The following ERBB4 variants were observed in gnomAD, a reference collection of about 807,000 sequenced individuals.
ERBB4 encodes the protein erb-b2 receptor tyrosine kinase 4, also known as receptor tyrosine-protein kinase erbB-4.
In ERBB4, 42 loss-of-function variants were observed where a neutral mutation model predicts 158.0. The ratio of observed to expected loss-of-function variants is 0.27; its 90% confidence interval spans 0.21 to 0.34. The LOEUF (loss-of-function observed/expected upper bound fraction) is 0.34, where lower values mean the gene tolerates loss of function less well. ERBB4 is among the 10% of genes least tolerant of loss of function. ERBB4 has a pLI of 1.00. For missense variants in ERBB4, 1,333 were observed against 1,624.1 expected, an observed-to-expected ratio of 0.82 and a Z score of 3.08; for synonymous variants, 583 against 558.7, an observed-to-expected ratio of 1.04 and a Z score of -0.61.
intron 3 of ERBB4, among the ~76,000 whole-genome samples, chr2:211,815,940 C>T (rs1234512236): frequency 6.6e-6 from 1 of 152,142 alleles, no homozygotes; most frequent in East Asian, 1.9e-4. Context: ...GCACCAGCTG[C>T]CTCCCTGGGA....
chr2:211,882,396 T>G (rs912291041), intron 3 of ERBB4, among the ~76,000 whole-genome samples: 1 of 152,130 alleles, frequency 6.6e-6, no homozygotes, highest in Non-Finnish European at 1.5e-5. Flanking sequence ...ATTTTTATCT[T>G]TTAAATCAAT....
chr2:212,403,426 CAGAG>C (rs1015866118), intron 1 of ERBB4, among the ~76,000 whole-genome samples: 3 of 152,020 alleles, frequency 2.0e-5, no homozygotes, highest in Non-Finnish European at 2.9e-5. Flanking sequence ...ATCAGAATCT[CAGAG>C]AGATATTTGT....
chr2:211,732,324 T>C (rs911361299), intron 5 of ERBB4, among the ~76,000 whole-genome samples: 2 of 151,678 alleles, frequency 1.3e-5, no homozygotes, highest in African/African-American at 4.8e-5. Flanking sequence ...CAGTGTATTA[T>C]CTAACATATT....
intron 1 of ERBB4, among the ~76,000 whole-genome samples, chr2:212,395,616 T>C (rs1211088016): frequency 5.7e-5 from 2 of 35,258 alleles, no homozygotes; most frequent in African/African-American, 3.1e-4. Flanking sequence ...GTTACACTCT[T>C]TTTTTTTTTT....
intron 12 of ERBB4, among the ~76,000 whole-genome samples, chr2:211,689,736 GTTAC>G (rs1361485021): frequency 1.4e-5 from 2 of 141,960 alleles, no homozygotes; most frequent in African/African-American, 5.0e-5. Flanking sequence ...ACATTTAAAG[GTTAC>G]TTATCAAGTA....
At chr2:212,203,152 A>G (rs2082637311) in intron 1 of ERBB4, among the ~76,000 whole-genome samples, 1 of 152,164 alleles carries the variant, frequency 6.6e-6, no homozygotes, top group African/African-American at 2.4e-5. Context: ...TATATGTTAC[A>G]GTAATATATA....
intron 5 of ERBB4, among the ~76,000 whole-genome samples, chr2:211,730,525 C>T (rs1395121392): frequency 6.6e-6 from 1 of 151,912 alleles, no homozygotes; most frequent in East Asian, 1.9e-4. Context: ...TTTCCTCTAA[C>T]CAGTGGTTCT....
chr2:211,990,303 G>T (rs1261657781), intron 2 of ERBB4, among the ~76,000 whole-genome samples: 1 of 151,874 alleles, frequency 6.6e-6, no homozygotes, highest in Admixed American at 6.6e-5. Flanking sequence ...AGATAGTTAG[G>T]TCTGTAGGAG....
chr2:211,642,952 C>T (rs1045320016), intron 16 of ERBB4, among the ~76,000 whole-genome samples: 4 of 152,066 alleles, frequency 2.6e-5, no homozygotes, highest in Admixed American at 6.6e-5. Context: ...TTCCAGCTTT[C>T]GTAGTAATTG....
At chr2:212,057,040 C>T (rs551876315) in intron 2 of ERBB4, among the ~76,000 whole-genome samples, 13 of 152,160 alleles carry the variant, frequency 8.5e-5, no homozygotes, top group African/African-American at 3.1e-4. Flanking sequence ...ACCCATCTCA[C>T]GTGCAGAGAC....
chr2:211,437,908 C>T (rs1391810622), intron 20 of ERBB4, among the ~76,000 whole-genome samples: 1 of 152,094 alleles, frequency 6.6e-6, no homozygotes, highest in Non-Finnish European at 1.5e-5. Flanking sequence ...ATAATGCTTA[C>T]TATGGTTAGA....
Position 211,992,501 on chromosome 2 carries a change from C to A in ERBB4, c.235-44885G>T, listed in dbSNP as rs2082097663. On this transcript the variant is annotated intron_variant, in intron 2 of 27. Coordinates refer to ENST00000342788, the MANE Select transcript of ERBB4 (RefSeq NM_005235.3). ...GAATGGAGACACAGCCAAACCATAT[C>A]AGAGAGGGAAGTGAGGGAAGAAGAG... Among the ~76,000 whole-genome samples, 2 of 139,258 alleles carry A rather than the reference C, an allele frequency of 1.4e-5. 1 individual carries two copies. The highest frequency in any genetic ancestry group is 4.5e-4 in the South Asian group (2 of 4,434). The allele number at this position is 139,258 out of a possible 152,430, so 91.4% of individuals were successfully genotyped here. A position where few individuals can be genotyped will look rare whatever the true frequency, so the allele number is the denominator to read the frequency against.
intron 20 of ERBB4, among the ~76,000 whole-genome samples, chr2:211,434,152 T>C (rs1163142913): frequency 6.6e-6 from 1 of 152,202 alleles, no homozygotes; most frequent in Non-Finnish European, 1.5e-5. Context: ...CTAATAAAAA[T>C]ATCATTTTTA....
chr2:211,647,448 A>G (rs1348263781), intron 16 of ERBB4, among the ~76,000 whole-genome samples: 2 of 151,768 alleles, frequency 1.3e-5, no homozygotes, highest in African/African-American at 4.8e-5. Context: ...ATCACTGAAT[A>G]TGTCAAAGTC....
intron 16 of ERBB4, among the ~76,000 whole-genome samples, chr2:211,652,111 T>C (rs187547372): frequency 1.3e-5 from 2 of 152,194 alleles, no homozygotes; most frequent in African/African-American, 4.8e-5. Flanking sequence ...TTTGTGACGC[T>C]AAATACTTCT....
At chr2:211,429,300 T>C (rs1291050448) in intron 21 of ERBB4, among the ~76,000 whole-genome samples, 1 of 152,084 alleles carries the variant, frequency 6.6e-6, no homozygotes, top group Non-Finnish European at 1.5e-5. Context: ...CCCTCCCTTC[T>C]CCTCTCATAT....
intron 1 of ERBB4, among the ~76,000 whole-genome samples, chr2:212,508,348 T>C (rs1221703647): frequency 1.3e-5 from 2 of 152,112 alleles, no homozygotes; most frequent in Non-Finnish European, 2.9e-5. Context: ...TAAAGTTGGA[T>C]CAATTTTAAA....
At chr2:212,041,816 C>T (rs148776568) in intron 2 of ERBB4, among the ~76,000 whole-genome samples, 245 of 152,146 alleles carry the variant, frequency 1.6e-3, no homozygotes, top group African/African-American at 5.4e-3. Context: ...TTGAACAATA[C>T]GTTAATTACC....
intron 20 of ERBB4, among the ~76,000 whole-genome samples, chr2:211,436,091 G>A (rs1415632060): frequency 4.6e-5 from 7 of 151,926 alleles, no homozygotes; most frequent in Non-Finnish European, 8.8e-5. Flanking sequence ...CAAAGTGTTG[G>A]GATTACAGGC....
Sources: allele counts gnomAD v4.1 joint callset (sites outside exome capture counted in the v4.1 genomes callset), GRCh38; gene constraint gnomAD v4.1.1; transcripts MANE v1.5; gene names NCBI Gene and HGNC (gene_info 2026-07-23, HGNC 2026-07-21).